Variants in NEGR1 observed in about 807,000 individuals in gnomAD.
NEGR1 encodes neuronal growth regulator 1, also known as IgLON family member 4.
A neutral mutation model predicts 40.9 loss-of-function variants in NEGR1; 10 were observed. The ratio of observed to expected loss-of-function variants is 0.24; its 90% CI spans 0.15 to 0.42. The LOEUF (loss-of-function observed/expected upper bound fraction) is 0.42. NEGR1 is among the 10% of genes least tolerant of loss of function. The pLI, the probability that NEGR1 is intolerant of heterozygous loss-of-function variation, is 1.00. For synonymous variants in NEGR1, 185 were observed against 166.8 expected, an observed-to-expected ratio of 1.11 and a Z score of -0.84; for missense variants, 352 against 438.9, an observed-to-expected ratio of 0.80 and a Z score of 1.77.
In NEGR1 at chr1:71,898,898, A is replaced by AAT. The variant is rs1258539926; in HGVS notation, c.409+36179_409+36180dup. On this transcript the variant is annotated intron_variant, in intron 2 of 6. Transcript: ENST00000357731. Reference sequence around the variant, plus strand: ...ATATTGCAAATATATATATATTGCAAATATATATATATTGCAAATATATAT... The same window carrying AAT: ...ATATTGCAAATATATATATATTGCAAATATATATATATATTGCAAATATATAT... 2.6e-3 allele frequency among the ~76,000 whole-genome samples: 349 copies of AAT among 136,452 alleles called. 3 individuals carry two copies. Among genetic ancestry groups the AAT allele is most frequent in the African/African-American group, 9.0e-3 (321 of 35,758 alleles). The allele number at this position is 136,452 out of a possible 152,430, so 89.5% of individuals were successfully genotyped here.
chr1:71,744,284 C>CATATATATATATAT (rs147978120), intron 3 of NEGR1, among the ~76,000 whole-genome samples: 2,931 of 137,020 alleles, frequency 0.021, 44 homozygotes, highest in East Asian at 0.036. Flanking sequence ...TGACAAATAA[C>CATATATATATATAT]ATATATATAT....
intron 1 of NEGR1, among the ~76,000 whole-genome samples, chr1:72,267,987 GA>G (rs951768670): frequency 3.3e-5 from 5 of 149,368 alleles, no homozygotes; most frequent in East Asian, 3.9e-4. Flanking sequence ...ATCCCAGATG[GA>G]AAAAAAAATA....
chr1:71,541,179 A>G (rs1447045032), intron 6 of NEGR1, among the ~76,000 whole-genome samples: 1 of 151,676 alleles, frequency 6.6e-6, no homozygotes, highest in African/African-American at 2.4e-5. Flanking sequence ...ACTAGCTGTG[A>G]TATATTTTGT....
rs190301037 is a variant in NEGR1, at chr1:71,985,478, C to A, written c.177-50167G>T. 4.8e-3 allele frequency among the ~76,000 whole-genome samples: 736 copies of A among 152,036 alleles called. 7 individuals carry two copies. Among genetic ancestry groups the A allele is most frequent in the African/African-American group, 0.017 (694 of 41,488 alleles). ...GGGTGTATAAAGGTTAAGCAACTTG[C>A]CCAAGATTGTACCACCGATAAATCC... On this transcript the variant is annotated intron_variant, in intron 1 of 6. Transcript: ENST00000357731.
At chr1:71,681,218 G>A (rs1202925781) in intron 4 of NEGR1, among the ~76,000 whole-genome samples, 2 of 152,064 alleles carry the variant, frequency 1.3e-5, no homozygotes, top group African/African-American at 4.8e-5. Context: ...CAACTTTAAG[G>A]GGGTAAAAAA....
chr1:71,824,352 G>A (rs748141760), intron 2 of NEGR1, among the ~76,000 whole-genome samples: 13 of 149,186 alleles, frequency 8.7e-5, no homozygotes, highest in African/African-American at 2.7e-4. Context: ...GGAGAGATAA[G>A]ATCATAAAAA....
chr1:71,988,461 C>A (rs1204370136), intron 1 of NEGR1, among the ~76,000 whole-genome samples: 1 of 146,748 alleles, frequency 6.8e-6, no homozygotes, highest in African/African-American at 2.5e-5. Flanking sequence ...ATGGCGTGAA[C>A]CCGGGAAGCG....
chr1:71,489,972 A>G (rs982450614), intron 6 of NEGR1: 6 of 152,106 alleles, frequency 3.9e-5, no homozygotes, highest in Admixed American at 3.3e-4. Context: ...ATGTTAATCC[A>G]TGAATTAAAT....
rs115784109 is a variant in NEGR1, at chr1:72,206,748, G to A, written c.176+75571C>T. Among the ~76,000 whole-genome samples the A allele has an allele frequency of 9.9e-3, 1,513 of 152,088 alleles. 23 individuals carry two copies. The highest frequency in any genetic ancestry group is 0.035 in the African/African-American group (1,436 of 41,512). ...AGACTATGGCTAGAGATGTAGATTTGCTAAACATCAACATAAAGGTGAACT... is the reference window on the plus strand; with the variant it reads ...AGACTATGGCTAGAGATGTAGATTTACTAAACATCAACATAAAGGTGAACT... On this transcript the variant is annotated intron_variant, in intron 1 of 6. Transcript: ENST00000357731.
chr1:71,624,252 T>A (rs545929115), intron 4 of NEGR1, among the ~76,000 whole-genome samples: 97 of 152,064 alleles, frequency 6.4e-4, no homozygotes, highest in African/African-American at 2.2e-3. Context: ...GCATCTGAAA[T>A]CTTATACTTC....
Position 71,698,065 on chromosome 1 carries a change from T to A in NEGR1, c.610A>T (p.Ser204Cys). The change falls in exon 4 of 7, where the codon AGT becomes TGT. Residue 204 changes from serine (S) to cysteine (C), a missense_variant. Transcript: ENST00000357731. ...GGGAATGACACATCATTTTCCGCAC[T>A]GCATTCATATTCCCCAGCCTGGTCC... ...TRDQAGEYEC[S>C]AENDVSFPDV... is the part of the protein sequence containing the mutation. 6.2e-7 allele frequency: 1 copy of A among 1,611,384 alleles called. No homozygotes were observed. Among genetic ancestry groups the A allele is most frequent in the Non-Finnish European group, 8.5e-7 (1 of 1,178,068 alleles).
intron 6 of NEGR1, among the ~76,000 whole-genome samples, chr1:71,568,918 ATTT>A (rs1301098957): frequency 8.3e-6 from 1 of 119,786 alleles, no homozygotes; most frequent in Admixed American, 8.7e-5. Context: ...TCCTTTTGTA[ATTT>A]TTTTTTTTTT....
intron 1 of NEGR1, among the ~76,000 whole-genome samples, chr1:72,217,982 T>C (rs987039753): frequency 2.6e-5 from 4 of 151,864 alleles, no homozygotes; most frequent in Non-Finnish European, 5.9e-5. Flanking sequence ...GAGTAATTTA[T>C]AGTTTTAATT....
At chr1:72,150,268 A>G (rs1230254702) in intron 1 of NEGR1, among the ~76,000 whole-genome samples, 1 of 152,200 alleles carries the variant, frequency 6.6e-6, no homozygotes, top group Non-Finnish European at 1.5e-5. Context: ...TGTAACTGTC[A>G]CATATTGACT....
intron 1 of NEGR1, among the ~76,000 whole-genome samples, chr1:72,023,756 T>C (rs1487572482): frequency 6.6e-6 from 1 of 151,906 alleles, no homozygotes; most frequent in Non-Finnish European, 1.5e-5. Flanking sequence ...TCAATGAACA[T>C]TAAAGTGAAA....
intron 5 of NEGR1, among the ~76,000 whole-genome samples, chr1:71,595,536 A>T (rs1378350092): frequency 3.3e-5 from 5 of 152,124 alleles, no homozygotes; most frequent in Non-Finnish European, 7.4e-5. Flanking sequence ...ATTTTCCTGG[A>T]GAGTTCTGGG....
intron 1 of NEGR1, among the ~76,000 whole-genome samples, chr1:72,170,351 A>G (rs1651917075): frequency 6.6e-6 from 1 of 152,100 alleles, no homozygotes; most frequent in African/African-American, 2.4e-5. Context: ...AGCAATTATT[A>G]TCATTTAACA....
intron 1 of NEGR1, among the ~76,000 whole-genome samples, chr1:71,941,553 G>T (rs1645959735): frequency 6.6e-6 from 1 of 152,022 alleles, no homozygotes; most frequent in Non-Finnish European, 1.5e-5. Flanking sequence ...TGCAGGTGTG[G>T]CAGAGGTGGA....
intron 1 of NEGR1, among the ~76,000 whole-genome samples, chr1:72,058,738 T>A (rs964650070): frequency 1.3e-5 from 2 of 151,658 alleles, no homozygotes; most frequent in Non-Finnish European, 3.0e-5. Flanking sequence ...GTGAAAAAAA[T>A]CAATATGCAT....
Sources: allele counts gnomAD v4.1 joint callset (sites outside exome capture counted in the v4.1 genomes callset), GRCh38; gene constraint gnomAD v4.1.1; transcripts MANE v1.5; gene names NCBI Gene and HGNC (gene_info 2026-07-23, HGNC 2026-07-21).